GNAI1: variants seen among roughly 807,000 people sequenced by gnomAD.
The protein encoded by GNAI1 is G protein subunit alpha i1, also known as guanine nucleotide-binding protein G(i) subunit alpha-1.
Under a neutral mutation model 38.9 loss-of-function variants are expected in GNAI1, and 11 were observed. The observed-to-expected ratio is 0.28, with a 90% confidence interval of 0.18 to 0.47. The LOEUF (loss-of-function observed/expected upper bound fraction) is 0.47, where lower values mean the gene tolerates loss of function less well. Among genes scored for constraint, GNAI1 ranks in the 20% least tolerant of loss-of-function variants. The probability of loss-of-function intolerance (pLI) is 0.99; values close to 1 mark genes in which losing one functional copy is unlikely to be tolerated. For synonymous variants in GNAI1, 166 were observed against 145.1 expected, an observed-to-expected ratio of 1.14 and a Z score of -1.04; for missense variants, 317 against 436.9, an observed-to-expected ratio of 0.73 and a Z score of 2.45.
At chr7:80,165,946 T>C (rs1788004401) in intron 1 of GNAI1, among the ~76,000 whole-genome samples, 1 of 152,148 alleles carries the variant, frequency 6.6e-6, no homozygotes, top group South Asian at 2.1e-4. Flanking sequence ...TATATTAATA[T>C]AAAACCTTGG....
intron 3 of GNAI1, among the ~76,000 whole-genome samples, chr7:80,191,710 A>G (rs2115642336): frequency 6.6e-6 from 1 of 152,312 alleles, no homozygotes; most frequent in East Asian, 1.9e-4. Context: ...TATATTCAAA[A>G]GAAGTCTGAA....
intron 1 of GNAI1, among the ~76,000 whole-genome samples, chr7:80,157,168 A>G (rs565596712): frequency 1.3e-4 from 20 of 152,190 alleles, no homozygotes; most frequent in Non-Finnish European, 8.8e-5. Flanking sequence ...CTGTCTCCAT[A>G]GTTTTTTCTT....
chr7:80,163,718 C>A (rs917568274), intron 1 of GNAI1, among the ~76,000 whole-genome samples: 2 of 152,126 alleles, frequency 1.3e-5, no homozygotes, highest in African/African-American at 4.8e-5. Context: ...CATGTTGATA[C>A]TAATTCATTA....
chr7:80,186,102 C>T (rs924026238), intron 1 of GNAI1, among the ~76,000 whole-genome samples: 2 of 147,500 alleles, frequency 1.4e-5, no homozygotes, highest in Non-Finnish European at 3.0e-5. Flanking sequence ...GCACAATCTC[C>T]GTTCACTGCA....
chr7:80,144,229 CTT>C (rs201484148), intron 1 of GNAI1, among the ~76,000 whole-genome samples: 12 of 140,364 alleles, frequency 8.5e-5, no homozygotes, highest in Admixed American at 2.1e-4. Flanking sequence ...TTTTTGCAAA[CTT>C]TTTTTTTTTT....
chr7:80,175,275 C>G (rs1788161456), intron 1 of GNAI1, among the ~76,000 whole-genome samples: 1 of 151,980 alleles, frequency 6.6e-6, no homozygotes. Flanking sequence ...CTACTGGCAT[C>G]TCGGCGTCTT....
intron 1 of GNAI1, among the ~76,000 whole-genome samples, chr7:80,141,717 T>C (rs1787529338): frequency 6.6e-6 from 1 of 152,192 alleles, no homozygotes; most frequent in South Asian, 2.1e-4. Flanking sequence ...TTACTTCACC[T>C]TTTTCCTGTC....
At chr7:80,187,739 G>A (rs1009750700) in intron 1 of GNAI1, among the ~76,000 whole-genome samples, 12 of 152,158 alleles carry the variant, frequency 7.9e-5, no homozygotes, top group Admixed American at 2.6e-4. Flanking sequence ...TGTAGTATTG[G>A]CCAAAGAGTA....
intron 1 of GNAI1, among the ~76,000 whole-genome samples, chr7:80,186,368 T>G (rs987446035): frequency 1.3e-5 from 2 of 152,134 alleles, no homozygotes; most frequent in Non-Finnish European, 2.9e-5. Context: ...CAGGACTTTT[T>G]GAACCACAAG....
chr7:80,165,484 A>G (rs1562829242), intron 1 of GNAI1, among the ~76,000 whole-genome samples: 1 of 152,184 alleles, frequency 6.6e-6, no homozygotes, highest in Non-Finnish European at 1.5e-5. Context: ...TCCACTTTGT[A>G]TGTTTATGTA....
intron 1 of GNAI1, among the ~76,000 whole-genome samples, chr7:80,149,280 C>T (rs572133803): frequency 1.2e-3 from 186 of 152,104 alleles, no homozygotes; most frequent in African/African-American, 4.2e-3. Context: ...TAATTGATGT[C>T]GCCTACATTT....
Position 80,224,898 on chromosome 7 carries a change from G to T in GNAI1, c.*7405G>T, listed in dbSNP as rs1053776652. Among the ~76,000 whole-genome samples the T allele has an allele frequency of 6.6e-6, 1 of 152,078 alleles. No homozygotes were observed. On this transcript the variant is annotated 3_prime_UTR_variant, in exon 8 of 8. Coordinates refer to ENST00000649796, the MANE Select transcript of GNAI1 (RefSeq NM_002069.6). ...TACTTTTTTTTACATTTTTAATGTG[G>T]TTTTGGAAAATAGGTACTCATGTGT...
chr7:80,215,468 T>C lies in GNAI1; in HGVS notation c.875-1835T>C, dbSNP rs376016366. On this transcript the variant is annotated intron_variant, in intron 7 of 7. Coordinates refer to ENST00000649796, the MANE Select transcript of GNAI1 (RefSeq NM_002069.6). ...TAAAAGTATGTGATTTCTAGTGATA[T>C]AAAAGAGTTAAAATGTAAACTTAAA... Among the ~76,000 whole-genome samples the C allele has an allele frequency of 4.4e-4, 67 of 152,300 alleles. 1 individual carries two copies. The South Asian group carries it at 0.012, about 28-fold the overall frequency.
rs143917212 is a variant in GNAI1, at chr7:80,183,664, C to G, written c.119-5287C>G. ...AGAAAAAAAAAAAGATACTTGTTTT[C>G]TGAGGTCAGAAGTGTTTTTTTGTTT... On this transcript the variant is annotated intron_variant, in intron 1 of 7. Transcript: ENST00000649796. 1.8e-3 allele frequency among the ~76,000 whole-genome samples: 281 copies of G among 151,922 alleles called. 2 individuals are homozygous for G. The highest frequency in any genetic ancestry group is 6.5e-3 in the African/African-American group (271 of 41,442).
rs116095211 is a variant in GNAI1, at chr7:80,181,167, A to G, written c.119-7784A>G. On this transcript the variant is annotated intron_variant, in intron 1 of 7. Transcript: ENST00000649796. ...AAAATTTTTGTTTGCTGGTTTATCT[A>G]TAAGCATAAGGAATTTTATTCCCAA... 1.9e-3 allele frequency among the ~76,000 whole-genome samples: 287 copies of G among 152,220 alleles called. 2 individuals are homozygous for G. Among genetic ancestry groups the G allele is most frequent in the African/African-American group, 6.7e-3 (280 of 41,544 alleles).
intron 3 of GNAI1, among the ~76,000 whole-genome samples, chr7:80,190,879 C>A (rs1233515262): frequency 1.3e-5 from 2 of 151,662 alleles, no homozygotes; most frequent in East Asian, 1.9e-4. Context: ...GGAATGTTGT[C>A]GTTTTCTCTT....
intron 4 of GNAI1, among the ~76,000 whole-genome samples, chr7:80,200,025 A>G (rs1269188196): frequency 6.6e-6 from 1 of 151,934 alleles, no homozygotes; most frequent in Non-Finnish European, 1.5e-5. Context: ...ATGAAACCTA[A>G]TCAGGGAGGC....
At chr7:80,189,047 A>G in intron 2 of GNAI1, 43 bp from the exon 3 acceptor site, 1 of 1,601,646 alleles carries the variant, frequency 6.2e-7, no homozygotes, top group Non-Finnish European at 8.5e-7. Flanking sequence ...CCGTTCTACC[A>G]AAGGAAGTAA....
At chr7:80,180,069 A>G (rs552934975) in intron 1 of GNAI1, among the ~76,000 whole-genome samples, 4 of 152,306 alleles carry the variant, frequency 2.6e-5, no homozygotes, top group African/African-American at 9.6e-5. Context: ...AGCTTGGCAT[A>G]GGAAATGTTG....
Sources: gnomAD v4.1 joint callset for allele counts (sites outside exome capture counted in the v4.1 genomes callset) on GRCh38, gnomAD v4.1.1 for gene constraint, MANE v1.5 for transcripts, NCBI Gene and HGNC (gene_info 2026-07-23, HGNC 2026-07-21) for gene names.